Variants in JADE1 observed in about 807,000 individuals in gnomAD.
The protein encoded by JADE1 is protein Jade-1.
In JADE1, 14 loss-of-function variants were observed where a neutral mutation model predicts 81.8. The observed-to-expected ratio is 0.17, with a 90% CI of 0.11 to 0.27. JADE1 has a LOEUF of 0.27. Ranked by LOEUF, JADE1 falls within the 10% of genes least tolerant of loss-of-function variation. The probability of loss-of-function intolerance (pLI) is 1.00; values close to 1 mark genes in which losing one functional copy is unlikely to be tolerated. For synonymous variants in JADE1, 353 were observed against 391.9 expected, an observed-to-expected ratio of 0.90 and a Z score of 1.17; for missense variants, 690 against 1,047.9, an observed-to-expected ratio of 0.66 and a Z score of 4.71.
At chr4:128,868,091 C>A in intron 10 of JADE1, 118 bp downstream of exon 10, 1 of 559,024 alleles carries the variant, frequency 1.8e-6, no homozygotes, top group Admixed American at 2.6e-5. Flanking sequence ...GAAGCATAGA[C>A]GTTCATATTT....
At chr4:128,820,404 G>A (rs989086882) in intron 1 of JADE1, among the ~76,000 whole-genome samples, 2 of 152,022 alleles carry the variant, frequency 1.3e-5, no homozygotes, top group African/African-American at 2.4e-5. Context: ...GAGCCACCAC[G>A]CCTGGCTTTC....
At position 128,871,370 on chromosome 4, in the gene JADE1, G is replaced by GCTC; in HGVS notation, c.1647_1649dup (p.Ser550dup). 6.2e-7 allele frequency: 1 copy of GCTC among 1,613,036 alleles called. No individual in the cohort carries two copies. The highest frequency in any genetic ancestry group is 8.5e-7 in the Non-Finnish European group (1 of 1,179,294). ...ATGTTTATAGGTGTGCCTTCTTCCT[G>GCTC]CTCCTCCTCCTCACTGGAAAACATG... On this transcript the variant is annotated inframe_insertion, in exon 11 of 11. Transcript: ENST00000226319. This position sits in a 1 kb window ranked among gnomAD's most constrained non-coding sequence, Gnocchi z 4.1.
At chr4:128,847,259 TCTC>T (rs2125858165) in intron 4 of JADE1, among the ~76,000 whole-genome samples, 1 of 152,334 alleles carries the variant, frequency 6.6e-6, no homozygotes, top group African/African-American at 2.4e-5. Context: ...GCACCTGGCT[TCTC>T]CGCCATCATC....
chr4:128,828,594 GA>G lies in JADE1; in HGVS notation c.-26-3136del, dbSNP rs941441451. ...CAGCGGATGAAAATGGATTTCATTA[GA>G]AAGAAAATACTATTTTTACTCTTCT... On this transcript the variant is annotated intron_variant, in intron 1 of 10. Transcript: ENST00000226319. 1.2e-3 allele frequency among the ~76,000 whole-genome samples: 181 copies of G among 152,210 alleles called. 1 individual carries two copies. Among genetic ancestry groups the G allele is most frequent in the African/African-American group, 4.3e-3 (177 of 41,526 alleles).
chr4:128,811,128 C>A (rs1249978713), intron 1 of JADE1: 1 of 152,378 alleles, frequency 6.6e-6, no homozygotes, highest in African/African-American at 2.4e-5. Context: ...TCGGCATTGG[C>A]TTGCAAATGC....
At chr4:128,860,216 G>A (rs182160609) in intron 8 of JADE1, among the ~76,000 whole-genome samples, 91 of 152,264 alleles carry the variant, frequency 6.0e-4, no homozygotes, top group African/African-American at 2.0e-3. Flanking sequence ...GCTTGTGTGT[G>A]TGTTCTGCCA....
intron 3 of JADE1, among the ~76,000 whole-genome samples, chr4:128,843,653 C>T (rs1028410311): frequency 6.6e-6 from 1 of 152,130 alleles, no homozygotes. Flanking sequence ...TCTGTTTATT[C>T]TAAAGACTTT....
At chr4:128,817,710 T>C (rs568717834) in intron 1 of JADE1, among the ~76,000 whole-genome samples, 9 of 152,352 alleles carry the variant, frequency 5.9e-5, no homozygotes, top group Middle Eastern at 3.4e-3. Context: ...ATATAGAGGC[T>C]GAGTGTTGGT....
At chr4:128,859,788 C>CT (rs1255398745) in intron 8 of JADE1, among the ~76,000 whole-genome samples, 1 of 152,128 alleles carries the variant, frequency 6.6e-6, no homozygotes, top group Non-Finnish European at 1.5e-5. Context: ...GATATAATGA[C>CT]TTTTTTGTTG....
chr4:128,863,517 A>G (rs147861629), intron 9 of JADE1: 262 of 985,046 alleles, frequency 2.7e-4, no homozygotes, highest in Non-Finnish European at 3.1e-4. Context: ...AGGGAGCATT[A>G]GAGATCCTTT....
At chr4:128,828,770 T>G (rs1430929892) in intron 1 of JADE1, among the ~76,000 whole-genome samples, 1 of 152,104 alleles carries the variant, frequency 6.6e-6, no homozygotes, top group Non-Finnish European at 1.5e-5. Context: ...GCATTTTGAT[T>G]CAAAAAGATT....
intron 8 of JADE1, among the ~76,000 whole-genome samples, chr4:128,860,291 C>T (rs1427235712): frequency 6.6e-6 from 1 of 152,066 alleles, no homozygotes; most frequent in South Asian, 2.1e-4. Flanking sequence ...AGATTTATGT[C>T]AGTCTCTGTG....
At chr4:128,810,450 GTTTTTTTTTTT>G (rs397880705) in intron 1 of JADE1, 2 of 113,934 alleles carry the variant, frequency 1.8e-5, no homozygotes, top group Non-Finnish European at 3.6e-5. Context: ...TAGTTTATAG[GTTTTTTTTTTT>G]TTTTTTTTTT....
intron 2 of JADE1, among the ~76,000 whole-genome samples, chr4:128,835,047 T>C (rs1163186905): frequency 2.6e-5 from 4 of 151,616 alleles, no homozygotes; most frequent in Non-Finnish European, 5.9e-5. Flanking sequence ...GTGTCCACAG[T>C]CCCCACCAAA....
At chr4:128,818,885 C>G (rs1727294660) in intron 1 of JADE1, among the ~76,000 whole-genome samples, 1 of 152,008 alleles carries the variant, frequency 6.6e-6, no homozygotes, top group African/African-American at 2.4e-5. Context: ...AGGGTCTCAC[C>G]CTGTTGTCCA....
chr4:128,830,001 C>T (rs908273630), intron 1 of JADE1, among the ~76,000 whole-genome samples: 1 of 151,474 alleles, frequency 6.6e-6, no homozygotes, highest in Non-Finnish European at 1.5e-5. Context: ...CTTGAGCCTC[C>T]TGAGTAGCTG....
In JADE1 at chr4:128,812,294, C is replaced by T. The variant is rs980038125; in HGVS notation, c.-27+2417C>T. 2.0e-5 allele frequency among the ~76,000 whole-genome samples: 3 copies of T among 151,874 alleles called. No individual in the cohort carries two copies. In the South Asian group the frequency reaches 6.2e-4, roughly 32 times the overall value. On this transcript the variant is annotated intron_variant, in intron 1 of 10. Coordinates refer to ENST00000226319, the MANE Select transcript of JADE1 (RefSeq NM_199320.4). ...CCTCCCGCGCTGTTGTTTCTGTCGC[C>T]TCGGGAGGAGGAGGAGGAGGAGGAT...
intron 1 of JADE1, among the ~76,000 whole-genome samples, chr4:128,815,089 A>G (rs144655464): frequency 0.042 from 4,996 of 118,118 alleles, 262 homozygotes; most frequent in African/African-American, 0.14. Context: ...TTGCTCTGTC[A>G]CCCAGGCTGG....
At chr4:128,858,471 G>GCAGCT (rs1730985310) in intron 8 of JADE1, among the ~76,000 whole-genome samples, 1 of 152,120 alleles carries the variant, frequency 6.6e-6, no homozygotes, top group African/African-American at 2.4e-5. Flanking sequence ...CTTTCTCAAA[G>GCAGCT]CAGCTCAGCA....
Sources: allele counts gnomAD v4.1 joint callset (sites outside exome capture counted in the v4.1 genomes callset), GRCh38; gene constraint gnomAD v4.1.1; non-coding constraint Gnocchi (gnomAD v3.1); transcripts MANE v1.5; gene names NCBI Gene and HGNC (gene_info 2026-07-23, HGNC 2026-07-21).